GABRB1: variants seen among roughly 807,000 people sequenced by gnomAD.
GABRB1 encodes the protein gamma-aminobutyric acid receptor subunit beta-1.
Under a neutral mutation model 51.6 loss-of-function variants are expected in GABRB1, and 17 were observed. That is an observed-to-expected ratio of 0.33 (90% CI 0.23 to 0.49). The LOEUF (loss-of-function observed/expected upper bound fraction) is 0.49. Ranked by LOEUF, GABRB1 falls within the 20% of genes least tolerant of loss-of-function variation. The pLI, the probability that GABRB1 is intolerant of heterozygous loss-of-function variation, is 0.99. For synonymous variants in GABRB1, 247 were observed against 218.9 expected (o/e 1.13, Z -1.14); for missense variants, 410 against 600.6 (o/e 0.68, Z 3.32).
intron 3 of GABRB1, among the ~76,000 whole-genome samples, chr4:47,094,158 A>G (rs993008370): frequency 5.3e-5 from 8 of 152,062 alleles, no homozygotes; most frequent in Non-Finnish European, 1.2e-4. Flanking sequence ...GTAGGGAACA[A>G]AAGTTTTTAA....
intron 1 of GABRB1, among the ~76,000 whole-genome samples, chr4:47,007,462 A>C (rs1724442631): frequency 6.6e-6 from 1 of 152,210 alleles, no homozygotes; most frequent in South Asian, 2.1e-4. Flanking sequence ...AACAGGTGAA[A>C]AATGTAATAA....
chr4:47,305,550 A>G (rs1019780755), intron 4 of GABRB1, among the ~76,000 whole-genome samples: 2 of 152,146 alleles, frequency 1.3e-5, no homozygotes, highest in Admixed American at 1.3e-4. Context: ...GTTCATTATG[A>G]GATCATTTCC....
At position 47,425,771 on chromosome 4, in the gene GABRB1, C is replaced by T; in HGVS notation, c.1178C>T (p.Thr393Ile). Residue 393 changes from threonine to isoleucine, a missense_variant, in exon 9 of 9, where the codon ACC (threonine) becomes ATC (isoleucine). Coordinates refer to ENST00000295454, the MANE Select transcript of GABRB1 (RefSeq NM_000812.4). ...ACGAGCGTGAGCGACCCCAAGGCCA[C>T]CATGTACTCCTATGACAGCGCCAGC... ...VLTSVSDPKA[T>I]MYSYDSASIQ... The T allele has an allele frequency of 6.2e-7, 1 of 1,614,204 alleles. No individual in the cohort carries two copies. Among genetic ancestry groups the T allele is most frequent in the Non-Finnish European group, 8.5e-7 (1 of 1,180,032 alleles).
intron 5 of GABRB1, among the ~76,000 whole-genome samples, chr4:47,377,123 G>C (rs1008689706): frequency 2.0e-5 from 3 of 152,152 alleles, no homozygotes; most frequent in African/African-American, 7.2e-5. Flanking sequence ...GATACGCAGT[G>C]AATGTGTTTG....
At chr4:47,309,534 A>G (rs1363416896) in intron 4 of GABRB1, among the ~76,000 whole-genome samples, 1 of 152,108 alleles carries the variant, frequency 6.6e-6, no homozygotes, top group Admixed American at 6.6e-5. Flanking sequence ...TGAGAATGCT[A>G]TTTACTCAGT....
chr4:47,023,358 G>A (rs1009840921), intron 1 of GABRB1, among the ~76,000 whole-genome samples: 1 of 151,880 alleles, frequency 6.6e-6, no homozygotes, highest in African/African-American at 2.4e-5. Flanking sequence ...AAGGATTAAC[G>A]CTTGAGGGGA....
intron 5 of GABRB1, among the ~76,000 whole-genome samples, chr4:47,384,040 T>C (rs1727687952): frequency 6.6e-6 from 1 of 152,132 alleles, no homozygotes; most frequent in Admixed American, 6.5e-5. Context: ...TACAGGATAT[T>C]TAAATAACTT....
At chr4:47,357,509 C>G (rs1314817665) in intron 5 of GABRB1, among the ~76,000 whole-genome samples, 1 of 152,180 alleles carries the variant, frequency 6.6e-6, no homozygotes, top group African/African-American at 2.4e-5. Context: ...TTCCAGCACC[C>G]CTTGCAGCTG....
intron 5 of GABRB1, among the ~76,000 whole-genome samples, chr4:47,372,809 GT>G (rs1727245418): frequency 1.3e-5 from 2 of 152,172 alleles, no homozygotes; most frequent in South Asian, 4.1e-4. Context: ...ATATGAGTGA[GT>G]TCTGGGGAGG....
chr4:47,021,078 A>G (rs1325319888), intron 1 of GABRB1, among the ~76,000 whole-genome samples: 1 of 152,164 alleles, frequency 6.6e-6, no homozygotes, highest in Non-Finnish European at 1.5e-5. Context: ...GGTCTTCCTT[A>G]ACCACTCTTT....
At chr4:47,298,301 CCT>C (rs995642960) in intron 4 of GABRB1, among the ~76,000 whole-genome samples, 3 of 152,132 alleles carry the variant, frequency 2.0e-5, no homozygotes, top group African/African-American at 7.2e-5. Flanking sequence ...TCAAATTGTC[CCT>C]GTTTGCAGAT....
chr4:46,999,726 T>G (rs559416021), intron 1 of GABRB1, among the ~76,000 whole-genome samples: 27 of 152,226 alleles, frequency 1.8e-4, no homozygotes, highest in Non-Finnish European at 2.8e-4. Context: ...AAACTCCTTC[T>G]GCTTATAAGA....
intron 3 of GABRB1, among the ~76,000 whole-genome samples, chr4:47,088,515 C>G (rs1220351257): frequency 2.0e-5 from 3 of 152,140 alleles, no homozygotes; most frequent in African/African-American, 7.2e-5. Context: ...TTTGCACAGT[C>G]AGGCTTAGAG....
intron 3 of GABRB1, among the ~76,000 whole-genome samples, chr4:47,087,527 C>A (rs1728126931): frequency 6.6e-6 from 1 of 151,278 alleles, no homozygotes; most frequent in African/African-American, 2.4e-5. Context: ...CGCTGCATCC[C>A]CCGTTAGCAC....
intron 4 of GABRB1, among the ~76,000 whole-genome samples, chr4:47,301,699 A>G (rs1374675300): frequency 6.6e-6 from 1 of 152,082 alleles, no homozygotes; most frequent in East Asian, 1.9e-4. Context: ...GCTACAGCTC[A>G]TTCAAAGGAG....
At chr4:47,030,385 T>A (rs1260536844), upstream of GABRB1, among the ~76,000 whole-genome samples, 1 of 151,936 alleles carries the variant, frequency 6.6e-6, no homozygotes, top group Non-Finnish European at 1.5e-5. Flanking sequence ...GACACTTCCA[T>A]CCTAGTTAGA....
At chr4:47,311,612 C>T (rs1367195207) in intron 4 of GABRB1, among the ~76,000 whole-genome samples, 1 of 151,996 alleles carries the variant, frequency 6.6e-6, no homozygotes, top group Admixed American at 6.6e-5. Flanking sequence ...CTTAGAGCCT[C>T]CAGGAGGAAC....
chr4:47,423,132 A>T (rs1225634759), intron 8 of GABRB1, among the ~76,000 whole-genome samples: 1 of 152,182 alleles, frequency 6.6e-6, no homozygotes. Context: ...TGGAAAAAAA[A>T]AAAGAGGTCC....
intron 3 of GABRB1, among the ~76,000 whole-genome samples, chr4:47,137,145 C>T (rs1021188755): frequency 1.3e-5 from 2 of 152,034 alleles, no homozygotes; most frequent in African/African-American, 4.8e-5. Context: ...TCATCCCTAA[C>T]TGGCCTCTAG....
Sources: allele counts gnomAD v4.1 joint callset (sites outside exome capture counted in the v4.1 genomes callset), GRCh38; gene constraint gnomAD v4.1.1; transcripts MANE v1.5; gene names NCBI Gene and HGNC (gene_info 2026-07-23, HGNC 2026-07-21).